PTPRT: variants seen among roughly 807,000 people sequenced by gnomAD.
The protein encoded by PTPRT is protein tyrosine phosphatase receptor type T.
PTPRT carries 56 observed loss-of-function variants against 176.8 expected under a neutral mutation model. That is an observed-to-expected ratio of 0.32 (90% CI 0.26 to 0.40). PTPRT has a LOEUF of 0.40. PTPRT is among the 10% of genes least tolerant of loss of function. PTPRT has a pLI of 1.00. For synonymous variants in PTPRT, 783 were observed against 739.0 expected (o/e 1.06, Z -0.96); for missense variants, 1,540 against 1,908.2 (o/e 0.81, Z 3.60).
rs1475599222 is a variant in PTPRT at position 42,986,607 on chromosome 20, T to C, written c.89-100675A>G. 2.6e-5 allele frequency among the ~76,000 whole-genome samples: 4 copies of C among 152,196 alleles called. No homozygotes were observed. The East Asian group carries it at 5.8e-4, about 22-fold the overall frequency. Reference sequence around the variant, plus strand: ...AACAGAACTAGAGATTCCTAGCTCATGGACGATGATGGTGACTGTGACAAA... The same window carrying C: ...AACAGAACTAGAGATTCCTAGCTCACGGACGATGATGGTGACTGTGACAAA... On this transcript the variant is annotated intron_variant, in intron 1 of 30. Transcript: ENST00000373187.
chr20:42,133,729 G>T (rs145298239), intron 18 of PTPRT, among the ~76,000 whole-genome samples: 1 of 152,198 alleles, frequency 6.6e-6, no homozygotes, highest in Admixed American at 6.5e-5. Flanking sequence ...TAATTGTAAT[G>T]AATGTACCAC....
chr20:42,962,417 A>T (rs1466470051), intron 1 of PTPRT, among the ~76,000 whole-genome samples: 3 of 152,090 alleles, frequency 2.0e-5, no homozygotes, highest in African/African-American at 4.8e-5. Context: ...GACAAAAGAG[A>T]TATGTTATAG....
At chr20:42,980,510 C>A (rs768353897) in intron 1 of PTPRT, among the ~76,000 whole-genome samples, 1 of 152,202 alleles carries the variant, frequency 6.6e-6, no homozygotes, top group Non-Finnish European at 1.5e-5. Flanking sequence ...GTGTTAAATA[C>A]ATTCTCTTAT....
chr20:42,776,787 TATG>T (rs1332230149), intron 4 of PTPRT, among the ~76,000 whole-genome samples: 20 of 148,464 alleles, frequency 1.3e-4, no homozygotes, highest in African/African-American at 4.9e-4. Flanking sequence ...ATGTAAATTA[TATG>T]ATTATATAAT....
At chr20:42,246,862 A>G (rs1269522804) in intron 14 of PTPRT, among the ~76,000 whole-genome samples, 3 of 152,186 alleles carry the variant, frequency 2.0e-5, no homozygotes, top group Non-Finnish European at 4.4e-5. Context: ...ACTCTAAGAA[A>G]CATTTCACCT....
chr20:43,127,080 T>C (rs1046246458), intron 1 of PTPRT, among the ~76,000 whole-genome samples: 7 of 152,184 alleles, frequency 4.6e-5, no homozygotes, highest in African/African-American at 1.7e-4. Flanking sequence ...TAAGCTATTT[T>C]TCCCTTCTTT....
chr20:42,822,378 T>C (rs371679327), intron 2 of PTPRT, among the ~76,000 whole-genome samples: 1 of 152,184 alleles, frequency 6.6e-6, no homozygotes, highest in South Asian at 2.1e-4. Flanking sequence ...ACCACTTCCT[T>C]ATACCTTATA....
chr20:42,165,921 C>T (rs1303149202), intron 16 of PTPRT, among the ~76,000 whole-genome samples: 4 of 152,174 alleles, frequency 2.6e-5, no homozygotes, highest in Non-Finnish European at 5.9e-5. Flanking sequence ...CGAAAAAGAA[C>T]ACATGAAAGT....
intron 15 of PTPRT, among the ~76,000 whole-genome samples, chr20:42,228,168 A>T (rs897637349): frequency 6.6e-6 from 1 of 152,222 alleles, no homozygotes; most frequent in Non-Finnish European, 1.5e-5. Flanking sequence ...GGTTTTTGCC[A>T]TTAAAGGTAC....
intron 16 of PTPRT, among the ~76,000 whole-genome samples, chr20:42,174,275 T>C (rs1330773837): frequency 2.0e-5 from 3 of 152,086 alleles, no homozygotes; most frequent in Non-Finnish European, 4.4e-5. Flanking sequence ...ATCACACAGT[T>C]TTAATATTCT....
chr20:42,748,916 T>C (rs2076728883), intron 6 of PTPRT, among the ~76,000 whole-genome samples: 1 of 152,116 alleles, frequency 6.6e-6, no homozygotes, highest in African/African-American at 2.4e-5. Context: ...AATGTACCCT[T>C]TATTCGCTGC....
chr20:42,843,049 GA>G (rs1461833650), intron 2 of PTPRT, among the ~76,000 whole-genome samples: 1 of 152,144 alleles, frequency 6.6e-6, no homozygotes, highest in Non-Finnish European at 1.5e-5. Context: ...TATGACCTTG[GA>G]TAAGCTAATT....
chr20:42,443,811 G>C (rs1282499254), intron 9 of PTPRT, among the ~76,000 whole-genome samples: 1 of 152,168 alleles, frequency 6.6e-6, no homozygotes, highest in African/African-American at 2.4e-5. Flanking sequence ...GCAGTAAAGA[G>C]GCAGCTGTAA....
intron 7 of PTPRT, among the ~76,000 whole-genome samples, chr20:42,568,134 A>G (rs532702201): frequency 2.0e-5 from 3 of 151,936 alleles, no homozygotes; most frequent in Non-Finnish European, 2.9e-5. Context: ...ATGCCCGGCT[A>G]ATTTTTGTAT....
rs1431919264 is a variant in PTPRT, at chr20:42,300,779, AT to A, written c.2139+14943del. 3.5e-5 allele frequency among the ~76,000 whole-genome samples: 5 copies of A among 144,788 alleles called. No individual in the cohort carries two copies. In the East Asian group the frequency reaches 7.8e-4, roughly 23 times the overall value. 95.0% of individuals were successfully genotyped at this position (144,788 alleles called of 152,430 possible). On this transcript the variant is annotated intron_variant, in intron 12 of 30. Transcript: ENST00000373187. ...TTGTATTATTATTATTATTATTATT[AT>A]TTATTATTATTATACTTTAAGTTTT...
At chr20:42,796,029 G>A (rs1487662120) in intron 2 of PTPRT, among the ~76,000 whole-genome samples, 6 of 152,108 alleles carry the variant, frequency 3.9e-5, no homozygotes, top group Non-Finnish European at 1.5e-5. Flanking sequence ...CTAATGAGGT[G>A]GTGCCATGCA....
intron 1 of PTPRT, among the ~76,000 whole-genome samples, chr20:42,979,028 C>T (rs969928934): frequency 9.9e-5 from 15 of 152,242 alleles, no homozygotes; most frequent in African/African-American, 3.4e-4. Context: ...TCAAAGAACC[C>T]TCTCTTGGAG....
At chr20:43,106,383 T>A (rs2425601) in intron 1 of PTPRT, among the ~76,000 whole-genome samples, 1 of 151,938 alleles carries the variant, frequency 6.6e-6, no homozygotes, top group Non-Finnish European at 1.5e-5. Context: ...TGTGGCCGGG[T>A]GCAGTGGCTC....
rs148828543 is a variant in PTPRT, at chr20:42,232,635, C to T, written c.2342+3594G>A. ...TCTCCAAGGCCTCTCCCTCCTCCCCCACTCCCAGACTGTTCCCTGTCCCCA... is the reference window on the plus strand; with the variant it reads ...TCTCCAAGGCCTCTCCCTCCTCCCCTACTCCCAGACTGTTCCCTGTCCCCA... On this transcript the variant is annotated intron_variant, in intron 15 of 30. Transcript: ENST00000373187. Among the ~76,000 whole-genome samples the T allele has an allele frequency of 1.8e-3, 265 of 146,626 alleles. 3 individuals carry two copies. The highest frequency in any genetic ancestry group is 0.014 in the Middle Eastern group (4 of 290).
Sources: allele counts gnomAD v4.1 joint callset (sites outside exome capture counted in the v4.1 genomes callset), GRCh38; gene constraint gnomAD v4.1.1; transcripts MANE v1.5; gene names NCBI Gene and HGNC (gene_info 2026-07-23, HGNC 2026-07-21).